Variants in NRP1 observed in about 807,000 individuals in gnomAD.
NRP1 encodes the protein neuropilin-1.
Under a neutral mutation model 106.7 loss-of-function variants are expected in NRP1, and 35 were observed. That is an observed-to-expected ratio of 0.33 (90% CI 0.25 to 0.43). NRP1 has a LOEUF of 0.43. NRP1 is among the 20% of genes least tolerant of loss of function. NRP1 has a pLI of 1.00. For synonymous variants in NRP1, 437 were observed against 417.9 expected (o/e 1.05, Z -0.56); for missense variants, 1,024 against 1,170.4 (o/e 0.87, Z 1.83).
intron 8 of NRP1, among the ~76,000 whole-genome samples, chr10:33,215,855 T>C (rs901762297): frequency 2.0e-5 from 3 of 152,108 alleles, no homozygotes; most frequent in Non-Finnish European, 4.4e-5. Context: ...AGGCCTTCCA[T>C]GTCATGTCCT....
chr10:33,235,369 A>G (rs1336872756), intron 6 of NRP1, among the ~76,000 whole-genome samples: 2 of 152,220 alleles, frequency 1.3e-5, no homozygotes, highest in East Asian at 3.8e-4. Flanking sequence ...GAAGGTGAAG[A>G]ATGCCATTTT....
chr10:33,300,305 G>A (rs1375050790), intron 2 of NRP1, among the ~76,000 whole-genome samples: 1 of 152,184 alleles, frequency 6.6e-6, no homozygotes, highest in Non-Finnish European at 1.5e-5. Flanking sequence ...CCTGGAAGGA[G>A]AAACATAGTG....
intron 6 of NRP1, among the ~76,000 whole-genome samples, chr10:33,246,603 C>A (rs985586793): frequency 3.3e-5 from 5 of 151,952 alleles, no homozygotes; most frequent in African/African-American, 1.2e-4. Flanking sequence ...CACACACACA[C>A]ACACACAGAG....
intron 2 of NRP1, among the ~76,000 whole-genome samples, chr10:33,302,649 G>C (rs760126584): frequency 4.6e-5 from 7 of 152,138 alleles, no homozygotes; most frequent in Non-Finnish European, 7.4e-5. Context: ...GTAGGGCTTG[G>C]AGAAACACAA....
At chr10:33,260,529 C>T (rs751018878) in intron 4 of NRP1, among the ~76,000 whole-genome samples, 22 of 152,118 alleles carry the variant, frequency 1.4e-4, no homozygotes, top group Admixed American at 9.8e-4. Context: ...TCATCAGCAC[C>T]GATGTGACGT....
intron 15 of NRP1, among the ~76,000 whole-genome samples, chr10:33,184,085 C>T (rs1317241300): frequency 6.6e-6 from 1 of 152,064 alleles, no homozygotes; most frequent in Non-Finnish European, 1.5e-5. Flanking sequence ...GACCTTGGCT[C>T]ACTGCAACTT....
chr10:33,287,908 G>T (rs1378489270), intron 2 of NRP1, among the ~76,000 whole-genome samples: 1 of 152,136 alleles, frequency 6.6e-6, no homozygotes, highest in Non-Finnish European at 1.5e-5. Flanking sequence ...GTCTGCCATG[G>T]TCTCTCGAGC....
intron 2 of NRP1, among the ~76,000 whole-genome samples, chr10:33,294,392 C>T (rs1588940440): frequency 6.6e-6 from 1 of 151,844 alleles, no homozygotes; most frequent in Non-Finnish European, 1.5e-5. Flanking sequence ...CCGAAGAGGG[C>T]GGATCTCCTG....
intron 2 of NRP1, among the ~76,000 whole-genome samples, chr10:33,329,972 T>C (rs1324620459): frequency 6.6e-6 from 1 of 152,218 alleles, no homozygotes; most frequent in East Asian, 1.9e-4. Context: ...GAGAATGTCT[T>C]CATAATAACG....
At chr10:33,251,916 AG>A (rs1291465252) in intron 6 of NRP1, among the ~76,000 whole-genome samples, 10 of 152,110 alleles carry the variant, frequency 6.6e-5, no homozygotes, top group African/African-American at 2.4e-4. Flanking sequence ...AGTGCAGGGT[AG>A]AGAAAGGAGA....
rs1356136090 is a variant in NRP1, at chr10:33,263,886, G to T, written c.431-13C>A. 6.6e-7 allele frequency: 1 copy of T among 1,508,396 alleles called. No homozygotes were observed. The highest frequency in any genetic ancestry group is 9.2e-7 in the Non-Finnish European group (1 of 1,086,674). The allele number at this position is 1,508,396 out of a possible 1,614,324, so 93.4% of individuals were successfully genotyped here. On this transcript the variant is annotated splice_polypyrimidine_tract_variant and intron_variant, in intron 3 of 16. Coordinates refer to ENST00000374867, the MANE Select transcript of NRP1 (RefSeq NM_003873.7). ...GAACATTCAGGACCTATGAGTAGAA[G>T]AGAAAAAGGAGTAAAGTGAAAATCC...
At chr10:33,330,514 C>A (rs1268472607) in intron 2 of NRP1, among the ~76,000 whole-genome samples, 194 bp downstream of exon 2, 1 of 152,178 alleles carries the variant, frequency 6.6e-6, no homozygotes, top group Non-Finnish European at 1.5e-5. Flanking sequence ...TAACTATAAT[C>A]TTCCTGGTTT....
At chr10:33,273,855 A>G (rs1843490766) in intron 2 of NRP1, among the ~76,000 whole-genome samples, 1 of 152,170 alleles carries the variant, frequency 6.6e-6, no homozygotes, top group African/African-American at 2.4e-5. Flanking sequence ...TCCAAAGGGC[A>G]CCACCGTTCT....
chr10:33,215,685 T>C (rs913499921), intron 8 of NRP1, among the ~76,000 whole-genome samples: 4 of 152,228 alleles, frequency 2.6e-5, no homozygotes, highest in Admixed American at 1.3e-4. Flanking sequence ...AAACATCTAA[T>C]GCAATTAAAC....
chr10:33,226,613 A>T (rs1839692123), intron 6 of NRP1, among the ~76,000 whole-genome samples: 2 of 152,216 alleles, frequency 1.3e-5, no homozygotes, highest in South Asian at 4.1e-4. Context: ...GACAAGCCTC[A>T]TTATTATACC....
intron 1 of NRP1, among the ~76,000 whole-genome samples, chr10:33,331,533 G>C (rs1044644920): frequency 3.3e-5 from 5 of 152,162 alleles, no homozygotes; most frequent in Non-Finnish European, 7.4e-5. Flanking sequence ...CTTGGAGATC[G>C]GATCAAAGCA....
At chr10:33,188,794 C>T (rs960563133) in intron 13 of NRP1, among the ~76,000 whole-genome samples, 2 of 150,944 alleles carry the variant, frequency 1.3e-5, no homozygotes, top group African/African-American at 4.9e-5. Flanking sequence ...GTAGCTGGGA[C>T]TACAGCTACT....
chr10:33,197,995 G>A lies in NRP1; in HGVS notation c.1865-286C>T, dbSNP rs1836917221. ...GTTGTATATATTTATGGCATACAAC[G>A]TGATGTTTTGGTACACTTAGTGGAA... On this transcript the variant is annotated intron_variant, in intron 11 of 16. Transcript: ENST00000374867. Among the ~76,000 whole-genome samples the A allele has an allele frequency of 2.0e-5, 3 of 149,174 alleles. No individual in the cohort carries two copies. In the South Asian group the frequency reaches 6.3e-4, roughly 32 times the overall value.
intron 2 of NRP1, among the ~76,000 whole-genome samples, chr10:33,319,410 G>A (rs940719908): frequency 9.2e-5 from 14 of 152,012 alleles, no homozygotes; most frequent in Non-Finnish European, 2.1e-4. Context: ...TTGTAAAATG[G>A]ACCAATGAAC....
Sources: gnomAD v4.1 joint callset for allele counts (sites outside exome capture counted in the v4.1 genomes callset) on GRCh38, gnomAD v4.1.1 for gene constraint, MANE v1.5 for transcripts, NCBI Gene and HGNC (gene_info 2026-07-23, HGNC 2026-07-21) for gene names.